The following DOCK5 variants were observed in gnomAD, a reference collection of about 807,000 sequenced individuals.
DOCK5 encodes dedicator of cytokinesis 5.
A neutral mutation model predicts 251.8 loss-of-function variants in DOCK5; 142 were observed. The observed-to-expected ratio is 0.56, with a 90% CI of 0.49 to 0.65. DOCK5 has a LOEUF of 0.65. DOCK5 is among the 30% of genes least tolerant of loss of function. The probability of loss-of-function intolerance (pLI) is 0.00; values close to 1 mark genes in which losing one functional copy is unlikely to be tolerated. For missense variants in DOCK5, 2,111 were observed against 2,312.3 expected, an observed-to-expected ratio of 0.91 and a Z score of 1.79; for synonymous variants, 842 against 835.5, an observed-to-expected ratio of 1.01 and a Z score of -0.13.
At chr8:25,306,852 CTT>C (rs1437354725) in intron 11 of DOCK5, among the ~76,000 whole-genome samples, 1 of 152,166 alleles carries the variant, frequency 6.6e-6, no homozygotes, top group Non-Finnish European at 1.5e-5. Flanking sequence ...ACTAGGCTCT[CTT>C]GTCATTGTGT....
chr8:25,262,823 T>C (rs888306655), intron 2 of DOCK5, among the ~76,000 whole-genome samples: 1 of 134,054 alleles, frequency 7.5e-6, no homozygotes, highest in Non-Finnish European at 1.5e-5. Flanking sequence ...ATAGATACAA[T>C]TTTTTTTTTT....
chr8:25,323,802 C>T lies in DOCK5; in HGVS notation c.1616-46C>T, dbSNP rs569646785. On this transcript the variant is annotated intron_variant, in intron 16 of 51. Coordinates refer to ENST00000276440, the MANE Select transcript of DOCK5 (RefSeq NM_024940.8). ...GAAATCGTGTCATAGCCATCGCCTC[C>T]TGGTGTCTCTCTGCACTGCTCAGAC... is the stretch of plus-strand genomic sequence containing the variant. The T allele has an allele frequency of 9.4e-6, 15 of 1,587,890 alleles. No individual in the cohort carries two copies. In the African/African-American group the frequency reaches 1.9e-4, roughly 20 times the overall value.
chr8:25,318,521 C>T (rs540098707), intron 14 of DOCK5, among the ~76,000 whole-genome samples: 1 of 141,976 alleles, frequency 7.0e-6, no homozygotes, highest in East Asian at 2.1e-4. Context: ...CTTCCCCTCC[C>T]CTCCCTTCTC....
At chr8:25,343,983 A>T (rs1339692805) in intron 25 of DOCK5, among the ~76,000 whole-genome samples, 1 of 151,978 alleles carries the variant, frequency 6.6e-6, no homozygotes, top group Non-Finnish European at 1.5e-5. Flanking sequence ...TTTTTTTTGT[A>T]ATCTTAGTAA....
At chr8:25,307,212 G>C (rs1804967080) in intron 11 of DOCK5, among the ~76,000 whole-genome samples, 1 of 151,740 alleles carries the variant, frequency 6.6e-6, no homozygotes, top group Non-Finnish European at 1.5e-5. Context: ...CTCACCTCCT[G>C]GGTTCAAGCA....
chr8:25,410,322 C>T, intron 51 of DOCK5, 120 bp downstream of exon 51: 1 of 783,476 alleles, frequency 1.3e-6, no homozygotes, highest in Non-Finnish European at 2.1e-6. Flanking sequence ...GCAGTCGATT[C>T]TTGGCTCATT....
intron 50 of DOCK5, 136 bp from the exon 51 acceptor site, chr8:25,409,963 T>C: frequency 1.4e-6 from 1 of 689,794 alleles, no homozygotes; most frequent in East Asian, 2.8e-5. Context: ...CTTCGTTCTA[T>C]CCGCAGAAAC....
chr8:25,405,264 G>C (rs1439472676), intron 48 of DOCK5, among the ~76,000 whole-genome samples: 1 of 151,238 alleles, frequency 6.6e-6, no homozygotes, highest in Non-Finnish European at 1.5e-5. Flanking sequence ...TAACAAAAAA[G>C]GTACTTTTTT....
At chr8:25,262,188 T>TTTC (rs1803605823) in intron 2 of DOCK5, among the ~76,000 whole-genome samples, 1 of 152,174 alleles carries the variant, frequency 6.6e-6, no homozygotes, top group Non-Finnish European at 1.5e-5. Flanking sequence ...AGAGTTCCAG[T>TTTC]TGCTCCATCT....
intron 44 of DOCK5, among the ~76,000 whole-genome samples, chr8:25,394,610 G>A (rs1295869563): frequency 2.0e-5 from 3 of 152,108 alleles, no homozygotes; most frequent in African/African-American, 4.8e-5. Flanking sequence ...TGGTTCAGAA[G>A]TGACTCAGAT....
intron 18 of DOCK5, among the ~76,000 whole-genome samples, chr8:25,331,762 A>T (rs1805684933): frequency 6.7e-6 from 1 of 149,776 alleles, no homozygotes; most frequent in African/African-American, 2.5e-5. Flanking sequence ...TGCAGTCATG[A>T]TGTTGAAATA....
At chr8:25,372,397 TG>T (rs1209372553) in intron 34 of DOCK5, among the ~76,000 whole-genome samples, 161 bp from the exon 35 acceptor site, 2 of 152,000 alleles carry the variant, frequency 1.3e-5, no homozygotes, top group Non-Finnish European at 2.9e-5. Flanking sequence ...TTGCATGAGG[TG>T]TGTGTGTGTC....
Position 25,210,113 on chromosome 8 carries a change from TATC to T in DOCK5, c.43+25163_43+25165del, listed in dbSNP as rs1802102098. On this transcript the variant is annotated intron_variant, in intron 1 of 51. Transcript: ENST00000276440. The stretch of plus-strand genomic sequence containing the variant: ...CTATCTATCTATCTATCTATCTATC[TATC>T]TATCTATCTATCTATCTATCGAGTA... Among the ~76,000 whole-genome samples the T allele has an allele frequency of 3.7e-5, 2 of 53,966 alleles. 1 individual carries two copies. The highest frequency in any genetic ancestry group is 8.5e-5 in the African/African-American group (2 of 23,430). The allele number at this position is 53,966 out of a possible 152,430, so 35.4% of individuals were successfully genotyped here. A position where few individuals can be genotyped will look rare whatever the true frequency, so the allele number is the denominator to read the frequency against.
At chr8:25,341,718 C>T in intron 23 of DOCK5, 21 bp from the exon 24 acceptor site, 3 of 1,563,454 alleles carry the variant, frequency 1.9e-6, no homozygotes, top group Non-Finnish European at 2.6e-6. Flanking sequence ...ACTGAATTTG[C>T]CTTTGGTGTT....
chr8:25,336,140 C>A, intron 21 of DOCK5, 99 bp from the exon 22 acceptor site: 2 of 1,320,972 alleles, frequency 1.5e-6, no homozygotes, highest in Non-Finnish European at 2.1e-6. Flanking sequence ...GTTATGACTT[C>A]TACTTCCAGG....
At chr8:25,251,726 T>C (rs1411752763) in intron 2 of DOCK5, among the ~76,000 whole-genome samples, 1 of 152,184 alleles carries the variant, frequency 6.6e-6, no homozygotes, top group Non-Finnish European at 1.5e-5. Flanking sequence ...CGGTAGCTCA[T>C]GCCTGCAATC....
At position 25,413,226 on chromosome 8, in the gene DOCK5, C is replaced by T. The variant is rs1801660675; in HGVS notation, c.*1928C>T. On this transcript the variant is annotated 3_prime_UTR_variant, in exon 52 of 52. Transcript: ENST00000276440. ...TACTCACCTGATGGTCCCTGCTTTC[C>T]TCTGCTAGGCCTGAGTAGGAACTGG... The T allele has an allele frequency of 6.6e-6, 1 of 152,162 alleles. No homozygotes were observed. Among genetic ancestry groups the T allele is most frequent in the Admixed American group, 6.5e-5 (1 of 15,272 alleles). 9.4% of individuals were successfully genotyped at this position (152,162 alleles called of 1,614,324 possible).
chr8:25,342,629 T>G, intron 25 of DOCK5, 122 bp downstream of exon 25: 1 of 508,624 alleles, frequency 2.0e-6, no homozygotes, highest in Non-Finnish European at 3.4e-6. Flanking sequence ...TGCTGCATGC[T>G]GAGATGACAG....
chr8:25,341,380 T>C (rs555162891), intron 23 of DOCK5, among the ~76,000 whole-genome samples: 3 of 152,298 alleles, frequency 2.0e-5, no homozygotes, highest in East Asian at 1.9e-4. Context: ...ATATGAAATA[T>C]ATAATCCCTG....
Sources: allele counts gnomAD v4.1 joint callset (sites outside exome capture counted in the v4.1 genomes callset), GRCh38; gene constraint gnomAD v4.1.1; transcripts MANE v1.5; gene names NCBI Gene and HGNC (gene_info 2026-07-23, HGNC 2026-07-21).